UBE2V1: variants seen among roughly 807,000 people sequenced by gnomAD.
UBE2V1 encodes the protein ubiquitin-conjugating enzyme E2 variant 1.
UBE2V1 carries 15 observed loss-of-function variants against 19.6 expected under a neutral mutation model. The ratio of observed to expected loss-of-function variants is 0.77; its 90% CI spans 0.51 to 1.18. The LOEUF (loss-of-function observed/expected upper bound fraction) is 1.18. Ranked by LOEUF, UBE2V1 falls within the 50% of genes most tolerant of loss-of-function variation. UBE2V1 has a pLI of 0.00. For missense variants in UBE2V1, 125 were observed against 184.8 expected (o/e 0.68, Z 1.88); for synonymous variants, 60 against 60.7 (o/e 0.99, Z 0.05).
rs187204768 is a variant in UBE2V1, at chr20:50,082,736, G to T, written c.*32C>A. 2.5e-6 allele frequency: 4 copies of T among 1,600,350 alleles called. No individual in the cohort carries two copies. The highest frequency in any genetic ancestry group is 3.4e-6 in the Non-Finnish European group (4 of 1,177,986). ...AAGACTGATTAAATCGAATTGGGGGGAAGGGGAAGGGCCTGTGGTTTTTCT... is the reference window on the plus strand; with the variant it reads ...AAGACTGATTAAATCGAATTGGGGGTAAGGGGAAGGGCCTGTGGTTTTTCT... On this transcript the variant is annotated 3_prime_UTR_variant, in exon 4 of 4. Coordinates refer to ENST00000371674, the MANE Select transcript of UBE2V1 (RefSeq NM_001032288.3).
intron 1 of UBE2V1, among the ~76,000 whole-genome samples, chr20:50,103,968 T>C (rs1376207265): frequency 6.7e-6 from 1 of 149,912 alleles, no homozygotes; most frequent in African/African-American, 2.5e-5. Context: ...TCAATATCAA[T>C]AAATGTTTGC....
intron 2 of UBE2V1, among the ~76,000 whole-genome samples, chr20:50,094,004 A>AT (rs1568987511): frequency 5.6e-4 from 71 of 127,650 alleles, no homozygotes; most frequent in African/African-American, 2.2e-3. Context: ...AAAAAAAAAA[A>AT]AAAAAAAATA....
chr20:50,086,167 T>A (rs1270660012), intron 2 of UBE2V1, among the ~76,000 whole-genome samples: 1 of 152,100 alleles, frequency 6.6e-6, no homozygotes, highest in Non-Finnish European at 1.5e-5. Context: ...GCCTCTTCTT[T>A]TACTCTTCTC....
chr20:50,084,727 T>C (rs564050122), intron 2 of UBE2V1: 35 of 369,358 alleles, frequency 9.5e-5, no homozygotes, highest in Non-Finnish European at 1.8e-4. Context: ...GGGTGCAGAC[T>C]CAGAGCTGCT....
chr20:50,112,041 T>C (rs969500049), intron 1 of UBE2V1, among the ~76,000 whole-genome samples: 1 of 152,184 alleles, frequency 6.6e-6, no homozygotes, highest in Non-Finnish European at 1.5e-5. Flanking sequence ...CATCAGCCAG[T>C]GGGGAACTTC....
intron 1 of UBE2V1, among the ~76,000 whole-genome samples, chr20:50,106,662 C>A (rs1003923360): frequency 6.6e-6 from 1 of 151,102 alleles, no homozygotes; most frequent in Non-Finnish European, 1.5e-5. Flanking sequence ...GAAACCCCGT[C>A]TCCACTAAAA....
intron 2 of UBE2V1, among the ~76,000 whole-genome samples, chr20:50,094,031 T>A (rs6020254): frequency 0.025 from 1,698 of 66,886 alleles, 37 homozygotes; most frequent in African/African-American, 0.1. Flanking sequence ...ATAATAATAA[T>A]AAAATATATA....
In UBE2V1 at chr20:50,099,086, G is replaced by A. The variant is rs1424239804; in HGVS notation, c.23-2266C>T. On this transcript the variant is annotated intron_variant, in intron 1 of 3. Coordinates refer to ENST00000371674, the MANE Select transcript of UBE2V1 (RefSeq NM_001032288.3). ...AATAATCCTAATTAGGCTAGCGGGG[G>A]AAAAGTCACTACATTACTACTGGTT... 3 of 521,682 alleles carry A rather than the reference G, an allele frequency of 5.8e-6. No individual in the cohort carries two copies. In the African/African-American group the frequency reaches 6.2e-5, roughly 11 times the overall value. The allele number at this position is 521,682 out of a possible 1,614,324, so 32.3% of individuals were successfully genotyped here.
At chr20:50,111,345 T>C (rs1016551761) in intron 1 of UBE2V1, 14 of 997,464 alleles carry the variant, frequency 1.4e-5, no homozygotes, top group Non-Finnish European at 1.7e-5. Flanking sequence ...ACCCAGATTG[T>C]AGGTAGCCAA....
chr20:50,113,174 C>CT (rs767384038), upstream of UBE2V1: 464 of 1,248,128 alleles, frequency 3.7e-4, 1 homozygote, highest in Non-Finnish European at 4.4e-4. Context: ...TCACCCCCCC[C>CT]TTACCCGTCC....
At chr20:50,093,079 A>G (rs145341915) in intron 2 of UBE2V1, among the ~76,000 whole-genome samples, 2 of 152,374 alleles carry the variant, frequency 1.3e-5, no homozygotes, top group South Asian at 2.1e-4. Context: ...CAGCACACAT[A>G]AATCTGTCTC....
At chr20:50,101,027 G>T (rs6125898) in intron 1 of UBE2V1, among the ~76,000 whole-genome samples, 2 of 152,092 alleles carry the variant, frequency 1.3e-5, no homozygotes, top group East Asian at 3.9e-4. Flanking sequence ...TTAGATATTC[G>T]ATTACTTAAA....
intron 2 of UBE2V1, chr20:50,096,428 C>T: frequency 2.2e-6 from 2 of 927,650 alleles, no homozygotes; most frequent in Non-Finnish European, 3.1e-6. Context: ...TCACACCTCA[C>T]TGTCTACATT....
intron 1 of UBE2V1, among the ~76,000 whole-genome samples, chr20:50,097,144 T>C (rs1460609821): frequency 6.6e-6 from 1 of 152,094 alleles, no homozygotes; most frequent in African/African-American, 2.4e-5. Flanking sequence ...GGTCAACTAG[T>C]ATGAGATGAA....
chr20:50,106,871 CAACAA>C (rs1237048416), intron 1 of UBE2V1, among the ~76,000 whole-genome samples: 16 of 84,780 alleles, frequency 1.9e-4, no homozygotes, highest in East Asian at 9.8e-4. Context: ...ACAACAACAA[CAACAA>C]AAAAAAAAAA....
At chr20:50,091,690 G>A (rs766299262) in intron 2 of UBE2V1, among the ~76,000 whole-genome samples, 15 of 152,120 alleles carry the variant, frequency 9.9e-5, no homozygotes, top group Non-Finnish European at 1.6e-4. Context: ...ACCACGCCCC[G>A]CCTCAAAGCT....
intron 2 of UBE2V1, among the ~76,000 whole-genome samples, chr20:50,092,950 A>C (rs893391965): frequency 6.6e-6 from 1 of 152,192 alleles, no homozygotes; most frequent in African/African-American, 2.4e-5. Flanking sequence ...AAGCACACAG[A>C]AGCAGTGTAT....
chr20:50,094,923 T>C (rs1327213864), intron 2 of UBE2V1: 1 of 152,218 alleles, frequency 6.6e-6, no homozygotes, highest in Non-Finnish European at 1.5e-5. Flanking sequence ...TGGCATACCG[T>C]AGCTACGCAT....
chr20:50,084,819 T>TC (rs2078818378), intron 2 of UBE2V1: 1 of 232,280 alleles, frequency 4.3e-6, no homozygotes, highest in Admixed American at 5.1e-5. Flanking sequence ...GCAGTCTTTT[T>TC]TTTTTTTTTT....
Sources: gnomAD v4.1 joint callset for allele counts (sites outside exome capture counted in the v4.1 genomes callset) on GRCh38, gnomAD v4.1.1 for gene constraint, MANE v1.5 for transcripts, NCBI Gene and HGNC (gene_info 2026-07-23, HGNC 2026-07-21) for gene names.